Variants in SKAP1 observed in about 807,000 individuals in gnomAD.
SKAP1 encodes the protein src kinase associated phosphoprotein 1.
A neutral mutation model predicts 58.5 loss-of-function variants in SKAP1; 44 were observed. The ratio of observed to expected loss-of-function variants is 0.75; its 90% CI spans 0.59 to 0.97. The LOEUF (loss-of-function observed/expected upper bound fraction) is 0.97, where lower values mean the gene tolerates loss of function less well. Ranked by LOEUF, SKAP1 falls within the 50% of genes least tolerant of loss-of-function variation. The pLI, the probability that SKAP1 is intolerant of heterozygous loss-of-function variation, is 0.00. For missense variants in SKAP1, 390 were observed against 435.2 expected, an observed-to-expected ratio of 0.90 and a Z score of 0.92; for synonymous variants, 127 against 149.7, an observed-to-expected ratio of 0.85 and a Z score of 1.11.
intron 4 of SKAP1, chr17:48,231,749 G>T (rs1315339563): frequency 2.6e-5 from 4 of 152,132 alleles, no homozygotes; most frequent in African/African-American, 9.7e-5. Flanking sequence ...GGGAATAATG[G>T]TGGTCATGAG....
intron 4 of SKAP1, among the ~76,000 whole-genome samples, chr17:48,337,085 C>T (rs2066582160): frequency 6.6e-6 from 1 of 152,036 alleles, no homozygotes; most frequent in African/African-American, 2.4e-5. Context: ...AGGAACAATT[C>T]CTCTCTAAAT....
At chr17:48,239,104 T>A (rs968755217) in intron 4 of SKAP1, among the ~76,000 whole-genome samples, 3 of 152,168 alleles carry the variant, frequency 2.0e-5, no homozygotes, top group Non-Finnish European at 2.9e-5. Context: ...TCATAACAAA[T>A]CAAATGCACC....
At chr17:48,218,195 G>C (rs887470965) in intron 4 of SKAP1, among the ~76,000 whole-genome samples, 2 of 152,226 alleles carry the variant, frequency 1.3e-5, no homozygotes, top group Non-Finnish European at 2.9e-5. Context: ...GCTAGGATCA[G>C]AGACCTGGGG....
chr17:48,350,879 AG>A (rs1359872055), intron 3 of SKAP1, among the ~76,000 whole-genome samples: 5 of 152,290 alleles, frequency 3.3e-5, no homozygotes, highest in African/African-American at 1.2e-4. Context: ...TTAATATTTA[AG>A]ATCCCATAAG....
chr17:48,384,657 C>A (rs1042218571), intron 2 of SKAP1, among the ~76,000 whole-genome samples: 4 of 152,142 alleles, frequency 2.6e-5, no homozygotes, highest in Non-Finnish European at 5.9e-5. Flanking sequence ...TTGGCCATAA[C>A]AATATTTTAT....
At chr17:48,277,630 C>T (rs564772311) in intron 4 of SKAP1, among the ~76,000 whole-genome samples, 16 of 152,150 alleles carry the variant, frequency 1.1e-4, no homozygotes, top group Admixed American at 6.5e-4. Flanking sequence ...TTTTAACAAA[C>T]GTCATAGAAA....
chr17:48,329,923 G>T (rs9909485), intron 4 of SKAP1, among the ~76,000 whole-genome samples: 1 of 152,202 alleles, frequency 6.6e-6, no homozygotes, highest in South Asian at 2.1e-4. Flanking sequence ...ATGCACAGTA[G>T]TAATGATGAT....
chr17:48,237,843 T>C (rs899704040), intron 4 of SKAP1, among the ~76,000 whole-genome samples: 33 of 151,700 alleles, frequency 2.2e-4, no homozygotes, highest in African/African-American at 7.0e-4. Context: ...CATTGAAGGG[T>C]GGAATAATTC....
At chr17:48,137,658 A>C (rs1392323029) in intron 11 of SKAP1, among the ~76,000 whole-genome samples, 1 of 152,218 alleles carries the variant, frequency 6.6e-6, no homozygotes, top group Non-Finnish European at 1.5e-5. Context: ...TTAAATTGCC[A>C]GAACACTACA....
chr17:48,218,129 A>G (rs2064962388), intron 4 of SKAP1, among the ~76,000 whole-genome samples: 2 of 152,236 alleles, frequency 1.3e-5, no homozygotes, highest in African/African-American at 2.4e-5. Context: ...GGTGGCTTCA[A>G]GCTAGGCTAC....
At chr17:48,387,630 A>G (rs112143161) in intron 2 of SKAP1, among the ~76,000 whole-genome samples, 1 of 152,204 alleles carries the variant, frequency 6.6e-6, no homozygotes, top group African/African-American at 2.4e-5. Flanking sequence ...ACTAGGGCCA[A>G]AATGATTTTG....
At chr17:48,332,878 C>T (rs1236354431) in intron 4 of SKAP1, among the ~76,000 whole-genome samples, 3 of 151,736 alleles carry the variant, frequency 2.0e-5, no homozygotes, top group Non-Finnish European at 4.4e-5. Flanking sequence ...AAAATCATAC[C>T]CAGCATGGTC....
At chr17:48,255,779 G>T (rs866945094) in intron 4 of SKAP1, among the ~76,000 whole-genome samples, 1 of 151,790 alleles carries the variant, frequency 6.6e-6, no homozygotes, top group African/African-American at 2.4e-5. Context: ...TTTTTCCTTC[G>T]AAGAGATCTG....
chr17:48,181,546 A>C (rs1321099923), intron 8 of SKAP1, among the ~76,000 whole-genome samples: 1 of 152,202 alleles, frequency 6.6e-6, no homozygotes, highest in Non-Finnish European at 1.5e-5. Flanking sequence ...TAATTAAAGC[A>C]CTGGTGCTTC....
intron 3 of SKAP1, among the ~76,000 whole-genome samples, chr17:48,353,238 C>A (rs35996857): frequency 1.1e-4 from 16 of 152,112 alleles, no homozygotes; most frequent in African/African-American, 3.6e-4. Flanking sequence ...AATCAATATA[C>A]TGATTTTTTT....
intron 4 of SKAP1, among the ~76,000 whole-genome samples, chr17:48,254,994 T>C (rs540437569): frequency 6.6e-6 from 1 of 152,182 alleles, no homozygotes; most frequent in South Asian, 2.1e-4. Context: ...TTCCCTTTCA[T>C]GGAAACTTCT....
chr17:48,180,835 G>T (rs1243052439), intron 8 of SKAP1, among the ~76,000 whole-genome samples: 5 of 152,210 alleles, frequency 3.3e-5, no homozygotes, highest in Non-Finnish European at 7.3e-5. Context: ...TGGAATGGCT[G>T]AACAATGCAG....
intron 4 of SKAP1, among the ~76,000 whole-genome samples, chr17:48,218,847 T>C (rs1035005752): frequency 1.3e-5 from 2 of 152,160 alleles, no homozygotes; most frequent in Non-Finnish European, 2.9e-5. Context: ...TGCACCTTGT[T>C]TCCATAATAA....
chr17:48,157,297 G>A (rs371704262), intron 11 of SKAP1, among the ~76,000 whole-genome samples: 6 of 151,024 alleles, frequency 4.0e-5, no homozygotes, highest in East Asian at 3.9e-4. Context: ...GCGCAGTGGC[G>A]TAATCTCGGC....
Sources: gnomAD v4.1 joint callset for allele counts (sites outside exome capture counted in the v4.1 genomes callset) on GRCh38, gnomAD v4.1.1 for gene constraint, MANE v1.5 for transcripts, NCBI Gene and HGNC (gene_info 2026-07-23, HGNC 2026-07-21) for gene names.